Variants in SNX25 observed in about 807,000 individuals in gnomAD.
SNX25 encodes the protein sorting nexin 25.
In SNX25, 62 loss-of-function variants were observed where a neutral mutation model predicts 113.7. The ratio of observed to expected loss-of-function variants is 0.55; its 90% CI spans 0.44 to 0.67. The LOEUF (loss-of-function observed/expected upper bound fraction) is 0.67. Among genes scored for constraint, SNX25 ranks in the 30% least tolerant of loss-of-function variants. SNX25 has a pLI of 0.00. For missense variants in SNX25, 1,014 were observed against 1,161.0 expected, an observed-to-expected ratio of 0.87 and a Z score of 1.84; for synonymous variants, 421 against 436.2, an observed-to-expected ratio of 0.97 and a Z score of 0.43.
In SNX25 at chr4:185,204,534, C is replaced by T. The variant is rs527577889; in HGVS notation, c.-64+67C>T. 5.3e-5 allele frequency: 8 copies of T among 152,282 alleles called. No homozygotes were observed. In the South Asian group the frequency reaches 1.7e-3, roughly 32 times the overall value. 9.4% of individuals were successfully genotyped at this position (152,282 alleles called of 1,614,324 possible). On this transcript the variant is annotated intron_variant, in intron 1 of 18. Coordinates refer to the SNX25 transcript ENST00000504273. ...GAATATATTGAATACAATAACTTCTCGTTGAACTCTCAGGTATGGTAGGAT... is the reference window on the plus strand; with the variant it reads ...GAATATATTGAATACAATAACTTCTTGTTGAACTCTCAGGTATGGTAGGAT...
intron 1 of SNX25, among the ~76,000 whole-genome samples, chr4:185,240,160 C>CA (rs1743500919): frequency 1.3e-5 from 2 of 151,966 alleles, no homozygotes; most frequent in African/African-American, 4.8e-5. Context: ...TCTCCCATGT[C>CA]TACCTCTTTC....
chr4:185,315,743 A>C (rs2126674925), intron 7 of SNX25, among the ~76,000 whole-genome samples: 2 of 152,344 alleles, frequency 1.3e-5, no homozygotes, highest in South Asian at 4.1e-4. Context: ...AAAAACTTCA[A>C]AATGGTGTCT....
At chr4:185,297,081 C>T (rs907508570) in intron 6 of SNX25, among the ~76,000 whole-genome samples, 2 of 124,124 alleles carry the variant, frequency 1.6e-5, no homozygotes, top group African/African-American at 5.6e-5. Context: ...TTTCTTTACT[C>T]TATTCAGCTT....
intron 17 of SNX25, 166 bp downstream of exon 17, chr4:185,362,271 A>C (rs2095368587): frequency 3.0e-6 from 3 of 985,248 alleles, no homozygotes; most frequent in Non-Finnish European, 3.6e-6. Context: ...AGTTATACTG[A>C]GAATGTTAAG....
At chr4:185,315,757 A>G (rs928674663) in intron 7 of SNX25, among the ~76,000 whole-genome samples, 2 of 152,208 alleles carry the variant, frequency 1.3e-5, no homozygotes, top group African/African-American at 2.4e-5. Context: ...GGTGTCTCTC[A>G]TGACCCTGGA....
intron 10 of SNX25, among the ~76,000 whole-genome samples, chr4:185,335,268 C>T (rs1294793499): frequency 2.7e-5 from 4 of 150,090 alleles, no homozygotes; most frequent in Admixed American, 6.7e-5. Context: ...TGCAGTCAGC[C>T]GAGATCACGC....
intron 18 of SNX25, 125 bp downstream of exon 18, chr4:185,362,836 ACTTT>A: frequency 2.8e-6 from 1 of 352,634 alleles, no homozygotes; most frequent in Non-Finnish European, 4.6e-6. Flanking sequence ...ATCTCCCTTG[ACTTT>A]TTTTTTTTTT....
chr4:185,252,245 T>C (rs1186168818), intron 2 of SNX25, among the ~76,000 whole-genome samples: 1 of 152,164 alleles, frequency 6.6e-6, no homozygotes, highest in African/African-American at 2.4e-5. Flanking sequence ...GAAATGTATA[T>C]TGAGAAGGCT....
intron 16 of SNX25, among the ~76,000 whole-genome samples, chr4:185,358,813 A>T (rs926577782): frequency 1.5e-4 from 23 of 151,740 alleles, no homozygotes; most frequent in South Asian, 6.2e-4. Flanking sequence ...CTAGAAATTT[A>T]AAAAAAAATC....
At chr4:185,233,255 A>G (rs998331896) in intron 1 of SNX25, among the ~76,000 whole-genome samples, 14 of 151,690 alleles carry the variant, frequency 9.2e-5, no homozygotes, top group Non-Finnish European at 2.1e-4. Flanking sequence ...ACTGCACTCC[A>G]GCCTGGGTGA....
Position 185,266,978 on chromosome 4 carries a change from C to T in SNX25, c.914C>T (p.Pro305Leu), listed in dbSNP as rs143685015. 399 of 1,611,198 alleles carry T rather than the reference C, an allele frequency of 2.5e-4. No homozygotes were observed. The African/African-American group carries it at 4.4e-3, about 18-fold the overall frequency. Residue 305 changes from proline (P) to leucine (L), a missense_variant, in exon 5 of 19, where the codon CCG becomes CTG. Coordinates refer to ENST00000652585, the MANE Select transcript of SNX25 (RefSeq NM_001378034.2). ...CTTCTTCTTCCTGTAGTCTTGAAGC[C>T]GGTAGTGGAGTTACTGAGTAATCCA... ...AEILTTKVLK[P>L]VVELLSNPDY...
At chr4:185,378,010 C>T in the SNX25 span, 3,285 of 1,205,988 alleles carry the variant, frequency 2.7e-3, 69 homozygotes, top group Admixed American at 0.043. Context: ...TTTCTTGTCT[C>T]GTTTGCTCTA....
Position 185,346,612 on chromosome 4 carries a change from A to T in SNX25, c.2263A>T (p.Met755Leu). The part of the protein sequence containing the change: ...LPFKSIDQKF[M>L]EKSKNQLNKF... ...TTTCAAATCTATAGATCAAAAGTTT[A>T]TGGAAAAGTCGAAGAATCAATTAAA... The change falls in exon 13 of 19, where the codon ATG becomes TTG. Residue 755 changes from methionine to leucine, a missense_variant. Physicochemically the swap from Met to Leu is conservative, Grantham distance 15 (BLOSUM62 2). Transcript: ENST00000652585. The T allele has an allele frequency of 6.3e-7, 1 of 1,587,228 alleles. No individual in the cohort carries two copies. The highest frequency in any genetic ancestry group is 8.5e-7 in the Non-Finnish European group (1 of 1,172,710).
At chr4:185,294,285 G>A (rs1752566565) in intron 6 of SNX25, among the ~76,000 whole-genome samples, 2 of 152,182 alleles carry the variant, frequency 1.3e-5, no homozygotes, top group African/African-American at 4.8e-5. Context: ...AGTTTAGGGT[G>A]TAAAAGAAAA....
At position 185,232,807 on chromosome 4, in the gene SNX25, T is replaced by C. The variant is rs1742063432; in HGVS notation, c.430-14487T>C. On this transcript the variant is annotated intron_variant, in intron 1 of 18. Coordinates refer to ENST00000652585, the MANE Select transcript of SNX25 (RefSeq NM_001378034.2). The surrounding 1 kb of genome is among the most constrained non-coding windows in gnomAD (Gnocchi z 4.4). The stretch of plus-strand genomic sequence containing the variant: ...ATTCTTTTTCCAATATACTTTAATA[T>C]GTATGAACTTCAAAATTCTCTTAGA... 2.0e-5 allele frequency among the ~76,000 whole-genome samples: 3 copies of C among 152,358 alleles called. No homozygotes were observed. Among genetic ancestry groups the C allele is most frequent in the South Asian group, 4.1e-4 (2 of 4,830 alleles).
chr4:185,323,520 C>A lies in SNX25; in HGVS notation c.1477-8C>A. 6.2e-7 allele frequency: 1 copy of A among 1,604,462 alleles called. No individual in the cohort carries two copies. The highest frequency in any genetic ancestry group is 8.5e-7 in the Non-Finnish European group (1 of 1,176,474). ...GTCTTACTTTTCCTTATCTTCCTGT[C>A]TTTTCAGAATGAAATTCCACAATTA... On this transcript the variant is annotated splice_region_variant and splice_polypyrimidine_tract_variant and intron_variant, in intron 8 of 18. Transcript: ENST00000652585.
chr4:185,373,466 C>T (rs766872965), downstream of SNX25, among the ~76,000 whole-genome samples: 12 of 152,134 alleles, frequency 7.9e-5, no homozygotes, highest in African/African-American at 1.2e-4. Flanking sequence ...TTCGAGCTCC[C>T]GGTGGATTCT....
At chr4:185,319,100 A>AAAT (rs538426859) in intron 7 of SNX25, among the ~76,000 whole-genome samples, 2 of 116,586 alleles carry the variant, frequency 1.7e-5, no homozygotes, top group African/African-American at 3.5e-5. Context: ...TATTTTTTTT[A>AAAT]TTTTTTTTTT....
chr4:185,281,083 C>T (rs953654585), intron 5 of SNX25, among the ~76,000 whole-genome samples: 20 of 152,106 alleles, frequency 1.3e-4, no homozygotes, highest in African/African-American at 4.8e-4. Flanking sequence ...CGCCCCACAG[C>T]TTCCACTGCT....
Sources: allele counts gnomAD v4.1 joint callset (sites outside exome capture counted in the v4.1 genomes callset), GRCh38; gene constraint gnomAD v4.1.1; non-coding constraint Gnocchi (gnomAD v3.1); transcripts MANE v1.5; gene names NCBI Gene and HGNC (gene_info 2026-07-23, HGNC 2026-07-21).